Variants in IQSEC2 observed in about 807,000 individuals in gnomAD.
IQSEC2 encodes the protein IQ motif and SEC7 domain-containing protein 2.
Under a neutral mutation model 74.6 loss-of-function variants are expected in IQSEC2, and 6 were observed. The observed-to-expected ratio is 0.08, with a 90% CI of 0.04 to 0.16. The LOEUF is 0.16. Among genes scored for constraint, IQSEC2 ranks in the 10% least tolerant of loss-of-function variants. IQSEC2 has a pLI of 1.00. For missense variants in IQSEC2, 734 were observed against 1,306.2 expected (o/e 0.56, Z 6.75); for synonymous variants, 494 against 544.5 (o/e 0.91, Z 1.29).
intron 2 of IQSEC2, chrX:53,279,759 G>T (rs1602333764): frequency 1.9e-6 from 1 of 534,919 alleles, no homozygotes; most frequent in East Asian, 3.5e-5. Context: ...AGTGAGTGCG[G>T]GAGGGGAAAA....
At chrX:53,287,862 C>A (rs781864299) in intron 2 of IQSEC2, among the ~76,000 whole-genome samples, 1 of 112,133 alleles carries the variant, frequency 8.9e-6, no homozygotes, top group East Asian at 2.8e-4. Context: ...CTTACCCCTT[C>A]TTGCCCTTCT....
At chrX:53,255,314 G>C in intron 3 of IQSEC2, among the ~76,000 whole-genome samples, 1 of 110,846 alleles carries the variant, frequency 9.0e-6, no homozygotes, top group African/African-American at 3.3e-5. Flanking sequence ...AAGGAAGGTA[G>C]GTAGGTAGGT....
At position 53,238,319 on chromosome X, in the gene IQSEC2, G is replaced by A. The variant is rs1556860209; in HGVS notation, c.3116-13C>T. 1 of 1,208,190 alleles carries A rather than the reference G, an allele frequency of 8.3e-7. No homozygotes were observed. ...CCAAACTGGTAATCTGTGGAGAAAG[G>A]GGAGACTGGGCACCTCTGTTGGGAC... On this transcript the variant is annotated splice_polypyrimidine_tract_variant and intron_variant, in intron 11 of 14. Transcript: ENST00000642864.
intron 8 of IQSEC2, among the ~76,000 whole-genome samples, chrX:53,244,216 CAA>C (rs782494862): frequency 1.5e-4 from 9 of 58,829 alleles, no homozygotes; most frequent in Admixed American, 2.2e-4. Context: ...GACTCTGTCT[CAA>C]AAAAAAAAAA....
Position 53,321,028 on chromosome X carries a change from G to A in IQSEC2, c.96C>T (p.Ser32=). 8.7e-7 allele frequency: 1 copy of A among 1,156,030 alleles called. No individual in the cohort carries two copies. The part of the protein sequence containing the change: ...YLLELNNIIE[S]QQQLLETQRR... ...GCTGGGTTTCCAGCAGCTGCTGCTG[G>A]CTCTCGATGATGTTGTTCAGCTCCA... The change falls in exon 1 of 15, where the codon AGC becomes AGT. Residue 32 remains serine (S), a synonymous_variant. Coordinates refer to ENST00000642864, the MANE Select transcript of IQSEC2 (RefSeq NM_001111125.3).
chrX:53,236,528 G>A (rs1556859768), intron 12 of IQSEC2, 33 bp from the exon 13 acceptor site: 1 of 1,170,663 alleles, frequency 8.5e-7, no homozygotes. Flanking sequence ...GGGAGCAAAG[G>A]TCAGGAACAG....
At position 53,251,184 on chromosome X, in the gene IQSEC2, G is replaced by C. The variant is rs183644900; in HGVS notation, c.1402-10C>G. On this transcript the variant is annotated splice_polypyrimidine_tract_variant and intron_variant, in intron 4 of 14. Transcript: ENST00000642864. ...CAGCCAGAGACTTTACCTGTGCAAG[G>C]GGGGGAGGAGAGGAGGGAAAGGGAG... 32 of 1,203,562 alleles carry C rather than the reference G, an allele frequency of 2.7e-5. No individual in the cohort carries two copies. The South Asian group carries it at 3.5e-4, about 13-fold the overall frequency.
chrX:53,252,432 T>A (rs1041136451), intron 4 of IQSEC2, among the ~76,000 whole-genome samples: 34 of 110,052 alleles, frequency 3.1e-4, no homozygotes, highest in Admixed American at 1.3e-3. Context: ...TTAAAAAAAA[T>A]TTTTTTAATG....
At chrX:53,287,230 AG>A (rs2075042295) in intron 2 of IQSEC2, among the ~76,000 whole-genome samples, 1 of 112,271 alleles carries the variant, frequency 8.9e-6, no homozygotes, top group Non-Finnish European at 1.9e-5. Context: ...CTCACAACAA[AG>A]TGTACCCAGA....
chrX:53,265,176 G>T (rs781801437), intron 2 of IQSEC2, among the ~76,000 whole-genome samples: 29 of 111,183 alleles, frequency 2.6e-4, no homozygotes, highest in Non-Finnish European at 4.9e-4. Context: ...AGGGAGACAG[G>T]CAGGGAGGGA....
At chrX:53,238,404 CAA>C in intron 11 of IQSEC2, 98 bp from the exon 12 acceptor site, 1 of 826,765 alleles carries the variant, frequency 1.2e-6, no homozygotes, top group East Asian at 3.3e-5. Flanking sequence ...TTTTCTGAGA[CAA>C]CATCTCTCTG....
chrX:53,268,110 G>A (rs1201358974), intron 2 of IQSEC2, among the ~76,000 whole-genome samples: 1 of 111,341 alleles, frequency 9.0e-6, no homozygotes, highest in African/African-American at 3.3e-5. Context: ...CAGACAGTTG[G>A]GCTGGGAGGG....
chrX:53,250,370 G>A lies in IQSEC2; in HGVS notation c.2206C>T (p.Arg736Trp), dbSNP rs1057524271. 7 of 1,210,024 alleles carry A rather than the reference G, an allele frequency of 5.8e-6. No homozygotes were observed. The highest frequency in any genetic ancestry group is 7.8e-6 in the Non-Finnish European group (7 of 894,876). ...ATGLCKQTYQ[R>W]ETRHSWDSPA... ...GAGTCCCAGCTATGCCTTGTCTCCC[G>A]CTGGTAAGTCTGCTTGCACAGGCCG... Residue 736 changes from arginine to tryptophan, a missense_variant, in exon 5 of 15, where the codon CGG becomes TGG. This residue lies in a region of IQSEC2 where 204 missense variants were observed against 305.4 expected (regional missense o/e 0.67). Transcript: ENST00000642864.
intron 1 of IQSEC2, among the ~76,000 whole-genome samples, chrX:53,314,653 T>G (rs1219572759): frequency 9.0e-6 from 1 of 111,726 alleles, no homozygotes; most frequent in Non-Finnish European, 1.9e-5. Flanking sequence ...CGGGTCAGCC[T>G]GGCTGGAGCA....
At chrX:53,296,326 C>T (rs781846792) in intron 1 of IQSEC2, among the ~76,000 whole-genome samples, 1 of 110,246 alleles carries the variant, frequency 9.1e-6, no homozygotes, top group Non-Finnish European at 1.9e-5. Context: ...TGAGCCACCG[C>T]GCCTGGCCCA....
chrX:53,236,128 G>C (rs1419173883), intron 13 of IQSEC2, among the ~76,000 whole-genome samples, 194 bp downstream of exon 13: 2 of 112,357 alleles, frequency 1.8e-5, no homozygotes, highest in Non-Finnish European at 3.8e-5. Context: ...CACACTCCCT[G>C]GCCCAAAAGC....
At chrX:53,300,768 C>A (rs953211034) in intron 1 of IQSEC2, among the ~76,000 whole-genome samples, 2 of 111,591 alleles carry the variant, frequency 1.8e-5, no homozygotes, top group Non-Finnish European at 3.8e-5. Context: ...GGAAGCCTAT[C>A]GCAGCATGAT....
chrX:53,309,669 C>A (rs1455635065), intron 1 of IQSEC2, among the ~76,000 whole-genome samples: 3 of 112,433 alleles, frequency 2.7e-5, no homozygotes, highest in Non-Finnish European at 5.6e-5. Context: ...CCACCATCGC[C>A]AGTCCAGCCT....
intron 2 of IQSEC2, among the ~76,000 whole-genome samples, chrX:53,263,447 C>T (rs1037230087): frequency 1.2e-4 from 13 of 111,056 alleles, no homozygotes; most frequent in African/African-American, 4.3e-4. Flanking sequence ...CTTCAGAAGC[C>T]CCTCTGAATC....
Sources: allele counts gnomAD v4.1 joint callset (sites outside exome capture counted in the v4.1 genomes callset), GRCh38; gene constraint gnomAD v4.1.1; regional missense constraint gnomAD v4.1.1; transcripts MANE v1.5; gene names NCBI Gene and HGNC (gene_info 2026-07-23, HGNC 2026-07-21).